Variants in SLC22A23 observed in about 807,000 individuals in gnomAD.
SLC22A23 encodes the protein solute carrier family 22 member 23, also known as ion transporter protein.
SLC22A23 carries 26 observed loss-of-function variants against 61.0 expected under a neutral mutation model. The observed-to-expected ratio is 0.43, with a 90% CI of 0.31 to 0.59. The LOEUF is 0.59. Ranked by LOEUF, SLC22A23 falls within the 20% of genes least tolerant of loss-of-function variation. The pLI, the probability that SLC22A23 is intolerant of heterozygous loss-of-function variation, is 0.11. For missense variants in SLC22A23, 796 were observed against 934.7 expected (o/e 0.85, Z 1.94); for synonymous variants, 430 against 413.9 (o/e 1.04, Z -0.47).
At chr6:3,365,226 A>G (rs1765729234) in intron 3 of SLC22A23, among the ~76,000 whole-genome samples, 2 of 152,104 alleles carry the variant, frequency 1.3e-5, no homozygotes, top group Non-Finnish European at 2.9e-5. Flanking sequence ...GGAGGCTGAG[A>G]CAGGAGAATC....
At chr6:3,439,691 G>A (rs993386599) in intron 1 of SLC22A23, among the ~76,000 whole-genome samples, 1 of 152,054 alleles carries the variant, frequency 6.6e-6, no homozygotes, top group Non-Finnish European at 1.5e-5. Flanking sequence ...AAACCCTTTC[G>A]CCACCTCCTT....
Position 3,342,612 on chromosome 6 carries a change from A to C in SLC22A23, c.914-18610T>G, listed in dbSNP as rs541316969. Reference sequence around the variant, plus strand: ...CAGATGGAGCCCAGGAAGCCAGTAGATGGGGGGTCCAGGAGATTCAAACCT... The same window carrying C: ...CAGATGGAGCCCAGGAAGCCAGTAGCTGGGGGGTCCAGGAGATTCAAACCT... On this transcript the variant is annotated intron_variant, in intron 3 of 9. Transcript: ENST00000406686. This position sits in a 1 kb window ranked among gnomAD's most constrained non-coding sequence, Gnocchi z 4.0. Among the ~76,000 whole-genome samples the C allele has an allele frequency of 4.6e-5, 7 of 152,308 alleles. No individual in the cohort carries two copies. In the South Asian group the frequency reaches 8.3e-4, roughly 18 times the overall value.
Position 3,350,215 on chromosome 6 carries a change from C to T in SLC22A23, c.914-26213G>A, listed in dbSNP as rs187525244. ...CTGGGCAGGACCCACCCGATGGATTCTATAACCCTTAACCCAAGCCCTAAT... is the reference window on the plus strand; with the variant it reads ...CTGGGCAGGACCCACCCGATGGATTTTATAACCCTTAACCCAAGCCCTAAT... On this transcript the variant is annotated intron_variant, in intron 3 of 9. Coordinates refer to ENST00000406686, the MANE Select transcript of SLC22A23 (RefSeq NM_015482.2). 7.8e-4 allele frequency among the ~76,000 whole-genome samples: 119 copies of T among 152,274 alleles called. 1 individual carries two copies. The highest frequency in any genetic ancestry group is 2.6e-3 in the African/African-American group (107 of 41,554).
At position 3,269,248 on chromosome 6, in the gene SLC22A23, C is replaced by G. The variant is rs1758319479; in HGVS notation, c.*3807G>C. 1 of 152,362 alleles carries G rather than the reference C, an allele frequency of 6.6e-6. No individual in the cohort carries two copies. Among genetic ancestry groups the G allele is most frequent in the South Asian group, 2.1e-4 (1 of 4,828 alleles). 9.4% of individuals were successfully genotyped at this position (152,362 alleles called of 1,614,324 possible). ...TGTTTAATCCAGCCTCTGCCTCTGA[C>G]TACCTTTAAGACCAGGACTCGAAGC... On this transcript the variant is annotated 3_prime_UTR_variant, in exon 10 of 10. Transcript: ENST00000406686.
intron 4 of SLC22A23, among the ~76,000 whole-genome samples, chr6:3,298,836 G>A (rs1369529736): frequency 1.3e-5 from 2 of 151,750 alleles, no homozygotes; most frequent in Non-Finnish European, 2.9e-5. Context: ...GCCGGGCGCA[G>A]TGGCGGGCGC....
At chr6:3,281,568 G>C (rs1408667805) in intron 9 of SLC22A23, among the ~76,000 whole-genome samples, 1 of 152,134 alleles carries the variant, frequency 6.6e-6, no homozygotes, top group Non-Finnish European at 1.5e-5. Flanking sequence ...AGTGTCACAG[G>C]GAAAGGCTAG....
chr6:3,335,238 T>C (rs1581707402), intron 3 of SLC22A23, among the ~76,000 whole-genome samples: 1 of 152,158 alleles, frequency 6.6e-6, no homozygotes, highest in Admixed American at 6.5e-5. Flanking sequence ...GAGGTCTTCC[T>C]CTAAACCCAA....
rs1232642451 is a variant in SLC22A23 at position 3,391,324 on chromosome 6, C to T, written c.913+18864G>A. Among the ~76,000 whole-genome samples the T allele has an allele frequency of 5.3e-5, 8 of 152,220 alleles. No individual in the cohort carries two copies. In the South Asian group the frequency reaches 8.3e-4, roughly 16 times the overall value. On this transcript the variant is annotated intron_variant, in intron 3 of 9. Coordinates refer to ENST00000406686, the MANE Select transcript of SLC22A23 (RefSeq NM_015482.2). ...ATCCCACCAACTGTTCGGGCATCCA[C>T]GCCAAATCCATCTGGGTCATGAGGC...
chr6:3,425,907 A>G (rs976288737), intron 1 of SLC22A23, among the ~76,000 whole-genome samples: 9 of 152,250 alleles, frequency 5.9e-5, no homozygotes, highest in African/African-American at 1.9e-4. Flanking sequence ...GTTCATACAA[A>G]TAAATACAAT....
At chr6:3,339,227 T>A (rs1430353584) in intron 3 of SLC22A23, among the ~76,000 whole-genome samples, 1 of 152,296 alleles carries the variant, frequency 6.6e-6, no homozygotes, top group African/African-American at 2.4e-5. Context: ...AACAGTGTGC[T>A]TTCCCCCACC....
Position 3,407,064 on chromosome 6 carries a change from A to G in SLC22A23, c.913+3124T>C, listed in dbSNP as rs563743061. On this transcript the variant is annotated intron_variant, in intron 3 of 9. Transcript: ENST00000406686. ...ATGCTATCCAGTTCTGTTCTGAGAA[A>G]GCACAGGCCTTTCCAGCAGATGCAT... Among the ~76,000 whole-genome samples, 39 of 152,374 alleles carry G rather than the reference A, an allele frequency of 2.6e-4. No individual in the cohort carries two copies. The South Asian group carries it at 7.0e-3, about 27-fold the overall frequency.
rs977480168 is a variant in SLC22A23, at chr6:3,329,279, C to A, written c.914-5277G>T. ...TCTTTGAAAAAAAAAGGCCCATCCT[C>A]CCATAATGCACAAATGAATAAAACA... On this transcript the variant is annotated intron_variant, in intron 3 of 9. Transcript: ENST00000406686. This position sits in a 1 kb window ranked among gnomAD's most constrained non-coding sequence, Gnocchi z 4.8. 2.0e-4 allele frequency among the ~76,000 whole-genome samples: 31 copies of A among 152,144 alleles called. No individual in the cohort carries two copies. The highest frequency in any genetic ancestry group is 7.5e-4 in the African/African-American group (31 of 41,412).
At chr6:3,355,651 T>C (rs1041174466) in intron 3 of SLC22A23, among the ~76,000 whole-genome samples, 1 of 152,074 alleles carries the variant, frequency 6.6e-6, no homozygotes, top group Non-Finnish European at 1.5e-5. Context: ...ACTCCCAGGC[T>C]CCAGAGCTAG....
chr6:3,372,992 G>A lies in SLC22A23; in HGVS notation c.913+37196C>T, dbSNP rs751517254. ...TGAGTTCTGAGGCTGCTCTGCTTAG[G>A]AAGGCCTGCCTGCGAGGCTGGTTCT... On this transcript the variant is annotated intron_variant, in intron 3 of 9. Coordinates refer to ENST00000406686, the MANE Select transcript of SLC22A23 (RefSeq NM_015482.2). The surrounding 1 kb of genome is among the most constrained non-coding windows in gnomAD (Gnocchi z 4.7). Among the ~76,000 whole-genome samples, 63 of 152,312 alleles carry A rather than the reference G, an allele frequency of 4.1e-4. No homozygotes were observed. The highest frequency in any genetic ancestry group is 7.6e-4 in the Non-Finnish European group (52 of 68,026).
chr6:3,389,407 G>T (rs1767524729), intron 3 of SLC22A23, among the ~76,000 whole-genome samples: 3 of 152,114 alleles, frequency 2.0e-5, no homozygotes, highest in South Asian at 4.1e-4. Context: ...AATGTTATGG[G>T]ATATGTTTTC....
intron 3 of SLC22A23, among the ~76,000 whole-genome samples, chr6:3,397,530 G>C (rs1768091477): frequency 6.6e-6 from 1 of 152,142 alleles, no homozygotes; most frequent in Non-Finnish European, 1.5e-5. Context: ...GGCTATTTGT[G>C]GGAGCTACTT....
At position 3,323,839 on chromosome 6, in the gene SLC22A23, G is replaced by A. The variant is rs555065509; in HGVS notation, c.1077C>T (p.Tyr359=). The change falls in exon 4 of 10, where the codon TAC becomes TAT. Residue 359 remains tyrosine (Y), a synonymous_variant. Coordinates refer to ENST00000406686, the MANE Select transcript of SLC22A23 (RefSeq NM_015482.2). ...GCTGTGCAGAGTGTACTCACGACCA[G>A]TAGAGCAGCATGAGCAGGAAGGGGC... ...IICPFLLMLL[Y]WSIFPESLRW... is the part of the protein sequence containing the mutation. 6.2e-7 allele frequency: 1 copy of A among 1,613,730 alleles called. No individual in the cohort carries two copies. The highest frequency in any genetic ancestry group is 1.3e-5 in the African/African-American group (1 of 75,068).
chr6:3,408,102 T>C (rs1298567982), intron 3 of SLC22A23, among the ~76,000 whole-genome samples: 2 of 152,220 alleles, frequency 1.3e-5, no homozygotes, highest in African/African-American at 4.8e-5. Flanking sequence ...CAGGCTACAA[T>C]GGCAGAGTTG....
chr6:3,364,646 G>A (rs1416715353), intron 3 of SLC22A23, among the ~76,000 whole-genome samples: 1 of 152,186 alleles, frequency 6.6e-6, no homozygotes, highest in Non-Finnish European at 1.5e-5. Context: ...GAGGTCTCAC[G>A]CGTGCAGGGC....
Sources: gnomAD v4.1 joint callset for allele counts (sites outside exome capture counted in the v4.1 genomes callset) on GRCh38, gnomAD v4.1.1 for gene constraint, Gnocchi (gnomAD v3.1) non-coding constraint, MANE v1.5 for transcripts, NCBI Gene and HGNC (gene_info 2026-07-23, HGNC 2026-07-21) for gene names.